CDH20: variants seen among roughly 807,000 people sequenced by gnomAD.
CDH20 encodes the protein cadherin-20.
Under a neutral mutation model 74.2 loss-of-function variants are expected in CDH20, and 29 were observed. The observed-to-expected ratio is 0.39, with a 90% CI of 0.29 to 0.53. The LOEUF (loss-of-function observed/expected upper bound fraction) is 0.53. Among genes scored for constraint, CDH20 ranks in the 20% least tolerant of loss-of-function variants. The pLI, the probability that CDH20 is intolerant of heterozygous loss-of-function variation, is 0.69. For synonymous variants in CDH20, 469 were observed against 405.4 expected (o/e 1.16, Z -1.88); for missense variants, 988 against 1,048.3 (o/e 0.94, Z 0.79).
intron 1 of CDH20, among the ~76,000 whole-genome samples, chr18:61,374,511 C>T (rs1911148711): frequency 6.6e-6 from 1 of 152,068 alleles, no homozygotes; most frequent in South Asian, 2.1e-4. Flanking sequence ...GAAAATTATT[C>T]TATTAGAGAG....
intron 7 of CDH20, among the ~76,000 whole-genome samples, chr18:61,533,505 A>G (rs183620243): frequency 6.6e-6 from 1 of 152,270 alleles, no homozygotes; most frequent in East Asian, 1.9e-4. Context: ...TTTTCTTGTT[A>G]TTGAGTTATT....
intron 1 of CDH20, among the ~76,000 whole-genome samples, chr18:61,453,351 C>T (rs1599095625): frequency 6.6e-6 from 1 of 152,316 alleles, no homozygotes; most frequent in East Asian, 1.9e-4. Flanking sequence ...AATCTCGGCT[C>T]ACTGCAACCT....
intron 1 of CDH20, among the ~76,000 whole-genome samples, chr18:61,410,572 A>C (rs1232512993): frequency 1.3e-5 from 2 of 152,186 alleles, no homozygotes; most frequent in Admixed American, 1.3e-4. Flanking sequence ...AGGCTATAAT[A>C]ATTAAAAGAG....
chr18:61,344,392 C>A (rs1017593555), intron 1 of CDH20, among the ~76,000 whole-genome samples: 7 of 152,132 alleles, frequency 4.6e-5, no homozygotes, highest in African/African-American at 1.7e-4. Flanking sequence ...TCTAGCCTTA[C>A]TGCTTGAACC....
intron 11 of CDH20, among the ~76,000 whole-genome samples, chr18:61,553,358 T>C (rs1387850428): frequency 1.3e-5 from 2 of 152,126 alleles, no homozygotes; most frequent in East Asian, 3.9e-4. Context: ...TGGGATTATC[T>C]CTATCTCTCC....
chr18:61,367,899 T>C (rs1271432214), intron 1 of CDH20, among the ~76,000 whole-genome samples: 1 of 152,138 alleles, frequency 6.6e-6, no homozygotes, highest in African/African-American at 2.4e-5. Context: ...CTTTGTGTTT[T>C]GTATCATTTC....
intron 1 of CDH20, among the ~76,000 whole-genome samples, chr18:61,416,574 T>C (rs1357653801): frequency 6.6e-6 from 1 of 152,190 alleles, no homozygotes; most frequent in African/African-American, 2.4e-5. Context: ...AGCCATCTCA[T>C]CTATATGACA....
intron 1 of CDH20, among the ~76,000 whole-genome samples, chr18:61,340,316 T>A (rs1301214192): frequency 6.6e-6 from 1 of 150,836 alleles, no homozygotes; most frequent in African/African-American, 2.4e-5. Context: ...TATGTTGGCA[T>A]AATTGGGAGC....
intron 1 of CDH20, among the ~76,000 whole-genome samples, chr18:61,440,101 C>T (rs1272237353): frequency 6.6e-6 from 1 of 152,152 alleles, no homozygotes; most frequent in East Asian, 1.9e-4. Flanking sequence ...TTGTATCTTT[C>T]CTTAATACAG....
At position 61,527,381 on chromosome 18, in the gene CDH20, A is replaced by AGATAGATAGAT. The variant is rs768716905; in HGVS notation, c.1018-585_1018-575dup. Among the ~76,000 whole-genome samples the AGATAGATAGAT allele has an allele frequency of 5.9e-3, 894 of 150,666 alleles. 5 individuals are homozygous for AGATAGATAGAT. Among genetic ancestry groups the AGATAGATAGAT allele is most frequent in the East Asian group, 0.03 (152 of 5,152 alleles). On this transcript the variant is annotated intron_variant, in intron 6 of 11. Transcript: ENST00000262717. ...TGAATATTCTAATAGATAGATAGAT[A>AGATAGATAGAT]GATAGATAGATAGATAGATAGATAG... is the stretch of plus-strand genomic sequence containing the variant.
chr18:61,375,250 T>C (rs2144166374), intron 1 of CDH20, among the ~76,000 whole-genome samples: 1 of 152,258 alleles, frequency 6.6e-6, no homozygotes, highest in East Asian at 1.9e-4. Context: ...TTACTGATAG[T>C]TCATAATTGA....
chr18:61,453,905 A>C (rs557236456), intron 1 of CDH20, among the ~76,000 whole-genome samples: 124 of 152,206 alleles, frequency 8.1e-4, no homozygotes, highest in African/African-American at 2.8e-3. Flanking sequence ...GAGTGTTTGT[A>C]CCATTTTACA....
chr18:61,487,636 A>G (rs961365174), intron 1 of CDH20, among the ~76,000 whole-genome samples: 1 of 152,184 alleles, frequency 6.6e-6, no homozygotes, highest in Non-Finnish European at 1.5e-5. Flanking sequence ...GTACGTGTTC[A>G]GTGGAGGGGA....
At chr18:61,538,598 TTTTG>T (rs1343235873) in intron 8 of CDH20, among the ~76,000 whole-genome samples, 430 of 27,380 alleles carry the variant, frequency 0.016, 55 homozygotes, top group African/African-American at 0.05. Context: ...GTTTGTTTGT[TTTTG>T]TTTTTGTTTT....
At chr18:61,365,875 T>C (rs1910838294) in intron 1 of CDH20, among the ~76,000 whole-genome samples, 1 of 152,156 alleles carries the variant, frequency 6.6e-6, no homozygotes, top group Non-Finnish European at 1.5e-5. Context: ...CTTCACAAAA[T>C]AAAAATTGAC....
rs577771983 is a variant in CDH20, at chr18:61,436,929, C to T, written c.-152-53473C>T. 1.1e-4 allele frequency among the ~76,000 whole-genome samples: 16 copies of T among 152,234 alleles called. No homozygotes were observed. In the South Asian group the frequency reaches 3.3e-3, roughly 32 times the overall value. ...AGGGACACAGAATTTCACTTAACCT[C>T]TCTAGTCTCAGTTTCCTTTGCGTGT... is the stretch of plus-strand genomic sequence containing the variant. On this transcript the variant is annotated intron_variant, in intron 1 of 11. Coordinates refer to ENST00000262717, the MANE Select transcript of CDH20 (RefSeq NM_031891.4).
At chr18:61,453,070 G>A (rs1159427981) in intron 1 of CDH20, among the ~76,000 whole-genome samples, 1 of 152,050 alleles carries the variant, frequency 6.6e-6, no homozygotes, top group Non-Finnish European at 1.5e-5. Flanking sequence ...ATCCCAGCCA[G>A]GATATTGAGA....
chr18:61,548,406 C>T (rs1219289421), intron 10 of CDH20, among the ~76,000 whole-genome samples: 1 of 152,174 alleles, frequency 6.6e-6, no homozygotes, highest in Non-Finnish European at 1.5e-5. Flanking sequence ...CTAGGCCTTA[C>T]TTCTATTTCT....
Position 61,554,474 on chromosome 18 carries a change from A to C in CDH20, c.2185A>C (p.Lys729Gln). Reference sequence around the variant, plus strand: ...CACTGTCCACAGCTACGTGCTGGCCAAGCTCTACGAGGCCGACATGGACCT... The same window carrying C: ...CACTGTCCACAGCTACGTGCTGGCCCAGCTCTACGAGGCCGACATGGACCT... The part of the protein sequence containing the change: ...NSTVHSYVLA[K>Q]LYEADMDLWA... Residue 729 changes from lysine to glutamine, a missense_variant, in exon 12 of 12, where the codon AAG becomes CAG. Physicochemically the swap from Lys to Gln is moderately conservative, Grantham distance 53. Transcript: ENST00000262717. The C allele has an allele frequency of 6.2e-7, 1 of 1,613,090 alleles. No homozygotes were observed. Among genetic ancestry groups the C allele is most frequent in the East Asian group, 2.2e-5 (1 of 44,858 alleles).
Sources: allele counts gnomAD v4.1 joint callset (sites outside exome capture counted in the v4.1 genomes callset), GRCh38; gene constraint gnomAD v4.1.1; transcripts MANE v1.5; gene names NCBI Gene and HGNC (gene_info 2026-07-23, HGNC 2026-07-21).